Variants in TUSC3 observed in about 807,000 individuals in gnomAD.
TUSC3 encodes dolichyl-diphosphooligosaccharide--protein glycosyltransferase subunit TUSC3.
In TUSC3, 45 loss-of-function variants were observed where a neutral mutation model predicts 44.8. The observed-to-expected ratio is 1.00, with a 90% CI of 0.79 to 1.29. The LOEUF (loss-of-function observed/expected upper bound fraction) is 1.29, where lower values mean the gene tolerates loss of function less well. TUSC3 is among the 50% of genes most tolerant of loss of function. The pLI is 0.00. For synonymous variants in TUSC3, 212 were observed against 152.9 expected (o/e 1.39, Z -2.85); for missense variants, 519 against 437.9 (o/e 1.19, Z -1.65).
downstream of TUSC3, among the ~76,000 whole-genome samples, chr8:15,768,480 C>A (rs1231831156): frequency 6.6e-6 from 1 of 152,144 alleles, no homozygotes; most frequent in African/African-American, 2.4e-5. Context: ...CCTGAGGCAG[C>A]ACAGGCATTG....
chr8:15,824,184 G>C, the TUSC3 span, among the ~76,000 whole-genome samples: 1 of 152,156 alleles, frequency 6.6e-6, no homozygotes, highest in Non-Finnish European at 1.5e-5. Flanking sequence ...GAACTAACTA[G>C]TCACAGAAGT....
intron 6 of TUSC3, among the ~76,000 whole-genome samples, chr8:15,717,520 C>T (rs1810102435): frequency 6.6e-6 from 1 of 152,022 alleles, no homozygotes; most frequent in Admixed American, 6.6e-5. Flanking sequence ...TTTTGCTTTC[C>T]ATCCTCTATT....
intron 7 of TUSC3, among the ~76,000 whole-genome samples, chr8:15,742,353 A>C (rs1269760442): frequency 6.6e-6 from 1 of 152,220 alleles, no homozygotes; most frequent in African/African-American, 2.4e-5. Flanking sequence ...GTTTGTATAG[A>C]GAGGTCATGG....
intron 2 of TUSC3, among the ~76,000 whole-genome samples, chr8:15,501,715 G>A (rs537780674): frequency 6.6e-6 from 1 of 152,062 alleles, no homozygotes; most frequent in Admixed American, 6.6e-5. Context: ...CCAACAAATG[G>A]CAATAGTAAT....
chr8:15,710,807 A>G (rs1809811962), intron 6 of TUSC3, among the ~76,000 whole-genome samples: 1 of 148,254 alleles, frequency 6.7e-6, no homozygotes, highest in African/African-American at 2.4e-5. Context: ...AAATATATAT[A>G]TTTGCATGAA....
intron 9 of TUSC3, among the ~76,000 whole-genome samples, chr8:15,753,383 G>A (rs763363763): frequency 6.6e-6 from 1 of 151,970 alleles, no homozygotes; most frequent in Non-Finnish European, 1.5e-5. Context: ...GGTGCTCACA[G>A]ATAACCCTTC....
intron 1 of TUSC3, among the ~76,000 whole-genome samples, chr8:15,546,655 C>A (rs1175704262): frequency 6.6e-6 from 1 of 151,616 alleles, no homozygotes; most frequent in Non-Finnish European, 1.5e-5. Flanking sequence ...CCTGCCTCAG[C>A]CTCCCGAGTA....
chr8:15,482,924 C>T (rs113449721), intron 1 of TUSC3, among the ~76,000 whole-genome samples: 46 of 152,154 alleles, frequency 3.0e-4, no homozygotes, highest in African/African-American at 8.7e-4. Flanking sequence ...TTACTTTAAG[C>T]GGTGTGTTTT....
rs572857205 is a variant in TUSC3 at position 15,459,850 on chromosome 8, G to T, written n.92-23536G>T. Among the ~76,000 whole-genome samples, 5 of 148,990 alleles carry T rather than the reference G, an allele frequency of 3.4e-5. No homozygotes were observed. In the East Asian group the frequency reaches 9.8e-4, roughly 29 times the overall value. ...ATTCCATTTGTGTGTGTGTGTGTGT[G>T]TGTGTATGTGTGTGTGTGTGTGTGT... On this transcript the variant is annotated intron_variant and non_coding_transcript_variant, in intron 1 of 5. Transcript: ENST00000503191.
At chr8:15,610,372 A>C (rs1387433324) in intron 1 of TUSC3, among the ~76,000 whole-genome samples, 2 of 152,202 alleles carry the variant, frequency 1.3e-5, no homozygotes, top group East Asian at 3.9e-4. Flanking sequence ...GGGAGTAGTT[A>C]AGTTTCTCAT....
At chr8:15,573,321 A>G (rs1270770168) in intron 1 of TUSC3, among the ~76,000 whole-genome samples, 1 of 150,322 alleles carries the variant, frequency 6.7e-6, no homozygotes, top group East Asian at 2.0e-4. Flanking sequence ...GCTGCCTTCC[A>G]ATCCACATCC....
chr8:15,664,896 C>G (rs1207822096), intron 5 of TUSC3, among the ~76,000 whole-genome samples: 1 of 150,770 alleles, frequency 6.6e-6, no homozygotes, highest in Admixed American at 6.6e-5. Context: ...TTTATCATTT[C>G]TGCCTGATAC....
intron 1 of TUSC3, among the ~76,000 whole-genome samples, chr8:15,577,789 C>T (rs1256561838): frequency 1.3e-4 from 19 of 143,168 alleles, no homozygotes; most frequent in East Asian, 8.3e-4. Flanking sequence ...ATTGACTTGG[C>T]GATGCGGGCT....
chr8:15,766,912 AACAC>A (rs1279597424), downstream of TUSC3, among the ~76,000 whole-genome samples: 67 of 152,238 alleles, frequency 4.4e-4, no homozygotes, highest in Non-Finnish European at 8.8e-5. Context: ...CACTGGGGCG[AACAC>A]ATTAGCTGGA....
chr8:15,688,784 A>G (rs1298169243), intron 6 of TUSC3: 3 of 152,690 alleles, frequency 2.0e-5, no homozygotes, highest in African/African-American at 7.2e-5. Flanking sequence ...ATCACAAACA[A>G]TGATCAGCTC....
intron 6 of TUSC3, among the ~76,000 whole-genome samples, chr8:15,707,766 A>G (rs1274342111): frequency 6.6e-6 from 1 of 151,948 alleles, no homozygotes; most frequent in Non-Finnish European, 1.5e-5. Flanking sequence ...TCACAACAAA[A>G]TGCCACAAAC....
chr8:15,613,099 A>G (rs1804832802), intron 1 of TUSC3, among the ~76,000 whole-genome samples: 1 of 148,870 alleles, frequency 6.7e-6, no homozygotes, highest in Non-Finnish European at 1.5e-5. Flanking sequence ...TGTATTTTAT[A>G]TGTGTTTGTG....
At chr8:15,505,963 A>G (rs1801046168) in intron 2 of TUSC3, among the ~76,000 whole-genome samples, 1 of 152,142 alleles carries the variant, frequency 6.6e-6, no homozygotes, top group Non-Finnish European at 1.5e-5. Flanking sequence ...GCTAAAAGCA[A>G]TTTTTAAAAA....
intron 7 of TUSC3, among the ~76,000 whole-genome samples, chr8:15,738,827 C>CTTTTTTTTTCTTTCT (rs1554484836): frequency 3.4e-5 from 3 of 87,172 alleles, no homozygotes; most frequent in African/African-American, 4.9e-5. Flanking sequence ...ATATATCTTG[C>CTTTTTTTTTCTTTCT]TTTTTTTTTT....
Sources: allele counts gnomAD v4.1 joint callset (sites outside exome capture counted in the v4.1 genomes callset), GRCh38; gene constraint gnomAD v4.1.1; transcripts MANE v1.5; gene names NCBI Gene and HGNC (gene_info 2026-07-23, HGNC 2026-07-21).